The following ZSCAN25 variants were observed in gnomAD, a reference collection of about 807,000 sequenced individuals.
ZSCAN25 encodes the protein zinc finger and SCAN domain-containing protein 25.
A neutral mutation model predicts 38.7 loss-of-function variants in ZSCAN25; 27 were observed. The observed-to-expected ratio is 0.70, with a 90% CI of 0.51 to 0.96. The LOEUF is 0.96. Among genes scored for constraint, ZSCAN25 ranks in the 40% least tolerant of loss-of-function variants. The pLI, the probability that ZSCAN25 is intolerant of heterozygous loss-of-function variation, is 0.00. For missense variants in ZSCAN25, 637 were observed against 705.9 expected (o/e 0.90, Z 1.11); for synonymous variants, 273 against 277.7 (o/e 0.98, Z 0.17).
chr7:99,668,313 G>A, the ZSCAN25 span, among the ~76,000 whole-genome samples: 655 of 152,216 alleles, frequency 4.3e-3, 2 homozygotes, highest in African/African-American at 0.015. Flanking sequence ...CTATATTCAC[G>A]GGATGAAAGG....
chr7:99,630,987 C>G lies in ZSCAN25; in HGVS notation c.*967C>G. 2.1e-6 allele frequency: 2 copies of G among 944,602 alleles called. No individual in the cohort carries two copies. The highest frequency in any genetic ancestry group is 9.8e-5 in the South Asian group (2 of 20,370). The allele number at this position is 944,602 out of a possible 1,614,324, so 58.5% of individuals were successfully genotyped here. ...CACCCCATTCTCATTGGACCCATTT[C>G]CCAAGTATTTATTGAGGCCCTGTAA... On this transcript the variant is annotated 3_prime_UTR_variant, in exon 8 of 8. Coordinates refer to ENST00000394152, the MANE Select transcript of ZSCAN25 (RefSeq NM_145115.3).
At chr7:99,662,732 TG>T in the ZSCAN25 span, 1 of 1,335,040 alleles carries the variant, frequency 7.5e-7, no homozygotes, top group Non-Finnish European at 1.1e-6. This position sits in a 1 kb window ranked among gnomAD's most constrained non-coding sequence, Gnocchi z 4.3. Flanking sequence ...CTCATCTTCC[TG>T]GAATACTTCC....
Position 99,632,183 on chromosome 7 carries a change from C to G in ZSCAN25, c.*2163C>G. The G allele has an allele frequency of 1.0e-6, 1 of 985,394 alleles. No homozygotes were observed. The highest frequency in any genetic ancestry group is 1.2e-6 in the Non-Finnish European group (1 of 829,916). 61.0% of individuals were successfully genotyped at this position (985,394 alleles called of 1,614,324 possible). A position where few individuals can be genotyped will look rare whatever the true frequency, so the allele number is the denominator to read the frequency against. ...GGCCTCTTCCCTATCTCCTGTGGGG[C>G]CAAGAGCTTAGGACAGTGTCTCAGA... On this transcript the variant is annotated 3_prime_UTR_variant, in exon 8 of 8. Transcript: ENST00000394152.
At chr7:99,711,076 A>G in the ZSCAN25 span, among the ~76,000 whole-genome samples, 2 of 152,126 alleles carry the variant, frequency 1.3e-5, no homozygotes, top group African/African-American at 2.4e-5. Flanking sequence ...AAGGCAAATC[A>G]TTTTAATCCA....
chr7:99,633,062 C>T (rs141512526), downstream of ZSCAN25, among the ~76,000 whole-genome samples: 83 of 150,036 alleles, frequency 5.5e-4, 1 homozygote, highest in Non-Finnish European at 8.7e-4. Flanking sequence ...CTCAGCTCAC[C>T]GCAACCTCCC....
chr7:99,685,018 TATGCAGTACA>T, the ZSCAN25 span: 3 of 691,404 alleles, frequency 4.3e-6, no homozygotes, highest in Non-Finnish European at 7.3e-6. Context: ...CCTGGTTATT[TATGCAGTACA>T]GTGGATGAAG....
rs531525034 is a variant in ZSCAN25 at position 99,621,432 on chromosome 7, G to A, written c.447G>A (p.Glu149=). Residue 149 remains glutamate, a synonymous_variant, in exon 5 of 8, where the codon GAG becomes GAA. Coordinates refer to ENST00000394152, the MANE Select transcript of ZSCAN25 (RefSeq NM_145115.3). The stretch of plus-strand genomic sequence containing the variant: ...CAGCACTTTGCAGAGGCGCTTGGGA[G>A]CCAGGCATCCAGCTGGGGCCAGTGG... ...EETALCRGAW[E]PGIQLGPVEV... 12 of 1,536,416 alleles carry A rather than the reference G, an allele frequency of 7.8e-6. No homozygotes were observed. The East Asian group carries it at 9.6e-5, about 12-fold the overall frequency.
At chr7:99,638,653 G>T in the ZSCAN25 span, 13 of 1,577,348 alleles carry the variant, frequency 8.2e-6, no homozygotes, top group African/African-American at 1.3e-5. Flanking sequence ...TGTGGTCACC[G>T]ACTGGCCCAG....
downstream of ZSCAN25, among the ~76,000 whole-genome samples, chr7:99,635,794 T>G (rs1808253398): frequency 6.6e-6 from 1 of 152,200 alleles, no homozygotes; most frequent in African/African-American, 2.4e-5. Flanking sequence ...ATGCCTGTAA[T>G]CCCAGCACTT....
the ZSCAN25 span, among the ~76,000 whole-genome samples, chr7:99,706,686 G>T: frequency 5.9e-5 from 9 of 152,196 alleles, no homozygotes; most frequent in African/African-American, 1.9e-4. Context: ...TATTTTCCCT[G>T]CAGACAGACA....
intron 6 of ZSCAN25, among the ~76,000 whole-genome samples, chr7:99,622,995 A>G (rs1009732201): frequency 6.6e-6 from 1 of 152,052 alleles, no homozygotes; most frequent in African/African-American, 2.4e-5. Context: ...TTTAGTAGAG[A>G]CGGGGTTTCA....
the ZSCAN25 span, among the ~76,000 whole-genome samples, chr7:99,649,861 C>A: frequency 6.6e-6 from 1 of 151,902 alleles, no homozygotes; most frequent in African/African-American, 2.4e-5. Flanking sequence ...ATAATCATGT[C>A]ATGCTAATCT....
chr7:99,658,894 T>C, the ZSCAN25 span: 1 of 152,276 alleles, frequency 6.6e-6, no homozygotes, highest in Non-Finnish European at 1.5e-5. Flanking sequence ...GGCTTGTGCA[T>C]TCATCACGTA....
At chr7:99,695,229 T>C in the ZSCAN25 span, among the ~76,000 whole-genome samples, 6 of 152,138 alleles carry the variant, frequency 3.9e-5, no homozygotes, top group African/African-American at 1.2e-4. Flanking sequence ...TTGGAGAGGA[T>C]TCAAGCAAGT....
At chr7:99,720,502 T>C in the ZSCAN25 span, 1 of 1,390,580 alleles carries the variant, frequency 7.2e-7, no homozygotes, top group Non-Finnish European at 1.0e-6. Flanking sequence ...GATCCGGACA[T>C]TACATAATCC....
the ZSCAN25 span, among the ~76,000 whole-genome samples, chr7:99,643,873 G>T: frequency 6.6e-6 from 1 of 151,576 alleles, no homozygotes; most frequent in Non-Finnish European, 1.5e-5. Flanking sequence ...AGATGCACAA[G>T]CAGAAGACTG....
At chr7:99,623,582 G>A (rs1807193525) in intron 6 of ZSCAN25, among the ~76,000 whole-genome samples, 1 of 152,248 alleles carries the variant, frequency 6.6e-6, no homozygotes, top group African/African-American at 2.4e-5. Context: ...AAGGCTGGAT[G>A]CCAGCATCAT....
At chr7:99,691,224 A>G in the ZSCAN25 span, among the ~76,000 whole-genome samples, 3 of 152,014 alleles carry the variant, frequency 2.0e-5, no homozygotes, top group Non-Finnish European at 4.4e-5. Context: ...GTACTCACTC[A>G]AAGGTTGGAA....
chr7:99,696,328 A>G, the ZSCAN25 span, among the ~76,000 whole-genome samples: 3 of 151,560 alleles, frequency 2.0e-5, no homozygotes, highest in Non-Finnish European at 4.4e-5. Flanking sequence ...TATGGTGACC[A>G]TGTCTTTAGA....
Sources: allele counts gnomAD v4.1 joint callset (sites outside exome capture counted in the v4.1 genomes callset), GRCh38; gene constraint gnomAD v4.1.1; non-coding constraint Gnocchi (gnomAD v3.1); transcripts MANE v1.5; gene names NCBI Gene and HGNC (gene_info 2026-07-23, HGNC 2026-07-21).